The following TRAPPC9 variants were observed in gnomAD, a reference collection of about 807,000 sequenced individuals.
TRAPPC9 encodes the protein IKK2 binding protein.
A neutral mutation model predicts 124.0 loss-of-function variants in TRAPPC9; 83 were observed. That is an observed-to-expected ratio of 0.67 (90% confidence interval 0.56 to 0.80). TRAPPC9 has a LOEUF of 0.80. Among genes scored for constraint, TRAPPC9 ranks in the 30% least tolerant of loss-of-function variants. The pLI is 0.00. For missense variants in TRAPPC9, 1,302 were observed against 1,508.3 expected, an observed-to-expected ratio of 0.86 and a Z score of 2.27; for synonymous variants, 638 against 617.5, an observed-to-expected ratio of 1.03 and a Z score of -0.49.
chr8:140,370,096 T>C (rs1316739787), intron 8 of TRAPPC9, among the ~76,000 whole-genome samples: 1 of 150,766 alleles, frequency 6.6e-6, no homozygotes. Context: ...AAAAAGTGTA[T>C]GTTTCCTATC....
chr8:139,971,752 C>CAAACACACACACAT (rs1563024707), intron 19 of TRAPPC9, among the ~76,000 whole-genome samples: 2 of 146,938 alleles, frequency 1.4e-5, no homozygotes, highest in African/African-American at 5.0e-5. Flanking sequence ...TATATATACA[C>CAAACACACACACAT]ACACACACAC....
chr8:139,961,678 A>C (rs1385737991), intron 19 of TRAPPC9, among the ~76,000 whole-genome samples: 1 of 123,292 alleles, frequency 8.1e-6, no homozygotes, highest in Admixed American at 8.5e-5. Flanking sequence ...TCATCCCTGC[A>C]GGCTCAGGGG....
intron 7 of TRAPPC9, among the ~76,000 whole-genome samples, chr8:140,380,650 GTC>G (rs2068576739): frequency 1.2e-5 from 1 of 86,274 alleles, no homozygotes. Flanking sequence ...GAGAGACTCT[GTC>G]TCAAAAAAAA....
chr8:140,049,543 G>A (rs1563721901), intron 17 of TRAPPC9, among the ~76,000 whole-genome samples: 2 of 149,424 alleles, frequency 1.3e-5, no homozygotes, highest in Non-Finnish European at 1.5e-5. Flanking sequence ...ATCCTACAGG[G>A]CTCCCCCCCC....
intron 15 of TRAPPC9, among the ~76,000 whole-genome samples, chr8:140,265,642 T>C (rs2064622283): frequency 6.6e-6 from 1 of 152,220 alleles, no homozygotes; most frequent in Admixed American, 6.5e-5. Context: ...CGATTAACAG[T>C]GGAACATCTG....
At chr8:139,761,275 T>C (rs1820199956) in intron 21 of TRAPPC9, among the ~76,000 whole-genome samples, 2 of 152,186 alleles carry the variant, frequency 1.3e-5, no homozygotes, top group East Asian at 3.9e-4. Flanking sequence ...ATTTATAGGG[T>C]GCAGGGCAAG....
intron 17 of TRAPPC9, among the ~76,000 whole-genome samples, chr8:140,076,070 G>A (rs1410640238): frequency 6.6e-6 from 1 of 152,244 alleles, no homozygotes; most frequent in Non-Finnish European, 1.5e-5. Flanking sequence ...AGTCCTGAGA[G>A]GAGGTGCTAT....
chr8:140,381,667 CAAAAAAAAA>C, intron 7 of TRAPPC9, among the ~76,000 whole-genome samples: 1 of 48,392 alleles, frequency 2.1e-5, no homozygotes. Flanking sequence ...GACTCTGTCT[CAAAAAAAAA>C]AAAAAAAAAA....
intron 21 of TRAPPC9, among the ~76,000 whole-genome samples, chr8:139,839,312 A>G (rs1212755357): frequency 6.6e-6 from 1 of 152,212 alleles, no homozygotes. Flanking sequence ...CTCTGGAATG[A>G]GACACCGGGG....
intron 17 of TRAPPC9, among the ~76,000 whole-genome samples, chr8:140,157,354 C>T (rs535065434): frequency 7.3e-5 from 9 of 122,646 alleles, no homozygotes; most frequent in Non-Finnish European, 1.4e-4. Context: ...TCAGAAGCCT[C>T]CCTTTTCCAT....
intron 21 of TRAPPC9, 134 bp downstream of exon 21, chr8:139,885,745 A>C (rs1367615927): frequency 3.5e-5 from 29 of 839,110 alleles, no homozygotes; most frequent in Non-Finnish European, 5.1e-5. Flanking sequence ...TTTTTCCCCC[A>C]AGGTTTCCCG....
intron 17 of TRAPPC9, among the ~76,000 whole-genome samples, chr8:140,164,161 G>A (rs981736402): frequency 6.6e-6 from 1 of 152,134 alleles, no homozygotes; most frequent in African/African-American, 2.4e-5. Context: ...GGAGATGCAC[G>A]AGAGCCACAC....
In TRAPPC9 at chr8:140,403,751, G is replaced by A. The variant is rs190416328; in HGVS notation, c.1008+1826C>T. On this transcript the variant is annotated intron_variant, in intron 6 of 22. Transcript: ENST00000438773. ...CGGCTCACTGCAACTTCCGCCTCCA[G>A]GGCTCAAGTGATTCTTGAGCCTCAG... 8.0e-4 allele frequency among the ~76,000 whole-genome samples: 121 copies of A among 151,160 alleles called. No individual in the cohort carries two copies. In the East Asian group the frequency reaches 0.022, roughly 27 times the overall value.
At chr8:140,419,428 C>CAAAAAAAAAAAAA (rs61155157) in intron 5 of TRAPPC9, among the ~76,000 whole-genome samples, 1 of 79,586 alleles carries the variant, frequency 1.3e-5, no homozygotes, top group African/African-American at 4.2e-5. Context: ...GACTCCGTCT[C>CAAAAAAAAAAAAA]AAAAAAAAAA....
At chr8:140,026,350 C>T (rs940375950) in intron 17 of TRAPPC9, among the ~76,000 whole-genome samples, 7 of 152,090 alleles carry the variant, frequency 4.6e-5, no homozygotes, top group African/African-American at 1.2e-4. Context: ...GGTATATGCC[C>T]GGAAGTGGAA....
intron 17 of TRAPPC9, among the ~76,000 whole-genome samples, chr8:140,145,384 T>A (rs2130795837): frequency 6.6e-6 from 1 of 152,152 alleles, no homozygotes; most frequent in African/African-American, 2.4e-5. Context: ...AAAAGCAATG[T>A]GCCTAGAGTT....
chr8:140,106,972 T>C (rs1036351245), intron 17 of TRAPPC9, among the ~76,000 whole-genome samples: 1 of 152,214 alleles, frequency 6.6e-6, no homozygotes, highest in African/African-American at 2.4e-5. Flanking sequence ...CTGTTCAAGA[T>C]AGGAGTTCGG....
At chr8:139,919,151 G>T (rs1024702574) in intron 19 of TRAPPC9, among the ~76,000 whole-genome samples, 16 of 152,236 alleles carry the variant, frequency 1.1e-4, no homozygotes, top group Non-Finnish European at 7.3e-5. Context: ...TTCGGGAAGG[G>T]GTGCTGTGCC....
intron 17 of TRAPPC9, among the ~76,000 whole-genome samples, chr8:140,061,417 G>T (rs1448468678): frequency 1.3e-5 from 2 of 152,164 alleles, no homozygotes; most frequent in Non-Finnish European, 2.9e-5. Context: ...GCTGGGGATG[G>T]ATACACAAGT....
Sources: allele counts gnomAD v4.1 joint callset (sites outside exome capture counted in the v4.1 genomes callset), GRCh38; gene constraint gnomAD v4.1.1; transcripts MANE v1.5; gene names NCBI Gene and HGNC (gene_info 2026-07-23, HGNC 2026-07-21).